Variants in EXOC2 observed in about 807,000 individuals in gnomAD.
EXOC2 encodes SEC5-like 1.
EXOC2 carries 70 observed loss-of-function variants against 131.8 expected under a neutral mutation model. The observed-to-expected ratio is 0.53, with a 90% confidence interval of 0.44 to 0.65. The LOEUF is 0.65. Among genes scored for constraint, EXOC2 ranks in the 30% least tolerant of loss-of-function variants. The probability of loss-of-function intolerance (pLI) is 0.00; values close to 1 mark genes in which losing one functional copy is unlikely to be tolerated. For synonymous variants in EXOC2, 411 were observed against 398.4 expected, an observed-to-expected ratio of 1.03 and a Z score of -0.38; for missense variants, 923 against 1,108.6, an observed-to-expected ratio of 0.83 and a Z score of 2.38.
intron 1 of EXOC2, among the ~76,000 whole-genome samples, chr6:640,728 T>A (rs1256936222): frequency 6.6e-6 from 1 of 152,068 alleles, no homozygotes; most frequent in Admixed American, 6.6e-5. Context: ...CTAAAACAGA[T>A]CATTCCTCAC....
intron 1 of EXOC2, among the ~76,000 whole-genome samples, chr6:684,202 AG>A (rs1444331597): frequency 2.0e-5 from 3 of 152,006 alleles, no homozygotes; most frequent in African/African-American, 7.2e-5. Flanking sequence ...ACAGGACCGC[AG>A]GAAGAGGGGG....
intron 1 of EXOC2, among the ~76,000 whole-genome samples, chr6:688,217 G>A (rs377486552): frequency 2.6e-4 from 40 of 152,212 alleles, no homozygotes; most frequent in African/African-American, 9.4e-4. Flanking sequence ...TGAAAATGCT[G>A]AAAAGTACAT....
chr6:672,820 C>T (rs1474734736), intron 1 of EXOC2, among the ~76,000 whole-genome samples: 1 of 152,050 alleles, frequency 6.6e-6, no homozygotes, highest in Non-Finnish European at 1.5e-5. Flanking sequence ...ACATCTCTGA[C>T]CAGAAACTGC....
intron 23 of EXOC2, among the ~76,000 whole-genome samples, chr6:501,858 G>T (rs1387459257): frequency 6.6e-6 from 1 of 151,270 alleles, no homozygotes; most frequent in Non-Finnish European, 1.5e-5. Flanking sequence ...AAGGATAATT[G>T]CAAGGTAAGA....
chr6:632,878 A>G, intron 3 of EXOC2, 63 bp downstream of exon 3: 1 of 1,503,676 alleles, frequency 6.7e-7, no homozygotes, highest in Non-Finnish European at 9.0e-7. Context: ...TACCAGCTTT[A>G]CAGCTTAAAA....
At chr6:560,765 T>C (rs769605583) in intron 17 of EXOC2, among the ~76,000 whole-genome samples, 43 of 151,874 alleles carry the variant, frequency 2.8e-4, no homozygotes, top group South Asian at 6.3e-4. Context: ...TGGAGTGCAA[T>C]GGCGCGGTCT....
intron 17 of EXOC2, among the ~76,000 whole-genome samples, chr6:557,393 G>A (rs1757468485): frequency 1.3e-5 from 2 of 152,106 alleles, no homozygotes; most frequent in African/African-American, 2.4e-5. Context: ...GCTGCGGTGG[G>A]CGGATCACGA....
chr6:651,141 C>T (rs1245506383), intron 1 of EXOC2, among the ~76,000 whole-genome samples: 1 of 151,778 alleles, frequency 6.6e-6, no homozygotes, highest in Non-Finnish European at 1.5e-5. Flanking sequence ...CGCCATTCTC[C>T]TGCCTCAGCC....
At chr6:599,569 A>G (rs1245266006) in intron 7 of EXOC2, among the ~76,000 whole-genome samples, 1 of 152,132 alleles carries the variant, frequency 6.6e-6, no homozygotes, top group East Asian at 1.9e-4. Flanking sequence ...AATAGGGTAA[A>G]ACACACACAT....
rs1764221541 is a variant in EXOC2, at chr6:501,827, T to A, written c.2381-2127A>T. 2.0e-5 allele frequency among the ~76,000 whole-genome samples: 3 copies of A among 150,526 alleles called. No individual in the cohort carries two copies. The South Asian group carries it at 6.2e-4, about 31-fold the overall frequency. ...GAGTAATTCAATATAATCCAGAAATTAATGGATTCTTCCTGAGAAAAAGGA... is the reference window on the plus strand; with the variant it reads ...GAGTAATTCAATATAATCCAGAAATAAATGGATTCTTCCTGAGAAAAAGGA... On this transcript the variant is annotated intron_variant, in intron 23 of 27. Coordinates refer to ENST00000230449, the MANE Select transcript of EXOC2 (RefSeq NM_018303.6).
At chr6:624,146 T>C (rs1215383730) in intron 4 of EXOC2, among the ~76,000 whole-genome samples, 1 of 133,808 alleles carries the variant, frequency 7.5e-6, no homozygotes, top group African/African-American at 2.6e-5. Flanking sequence ...AAATGTGAAA[T>C]AAATGAGTTA....
intron 1 of EXOC2, among the ~76,000 whole-genome samples, chr6:650,687 T>C (rs548237364): frequency 6.6e-6 from 1 of 152,338 alleles, no homozygotes; most frequent in South Asian, 2.1e-4. Context: ...ATACTCCCTG[T>C]TAATGAATTA....
chr6:542,797 T>C (rs1434725001), intron 22 of EXOC2, among the ~76,000 whole-genome samples: 1 of 152,118 alleles, frequency 6.6e-6, no homozygotes, highest in Non-Finnish European at 1.5e-5. Context: ...CAAGTAAAGA[T>C]GAGCAGGTGC....
chr6:627,058 C>T (rs1040378704), intron 4 of EXOC2, among the ~76,000 whole-genome samples: 1 of 152,028 alleles, frequency 6.6e-6, no homozygotes, highest in Non-Finnish European at 1.5e-5. Context: ...GGGATCCTGA[C>T]CTGAGTACAA....
intron 1 of EXOC2, among the ~76,000 whole-genome samples, chr6:672,334 C>A (rs758116090): frequency 5.9e-5 from 9 of 152,360 alleles, no homozygotes; most frequent in African/African-American, 2.2e-4. Context: ...ATGTTCCCCA[C>A]TTTTCCCATT....
At chr6:677,249 G>A (rs1300454654) in intron 1 of EXOC2, among the ~76,000 whole-genome samples, 18 of 151,974 alleles carry the variant, frequency 1.2e-4, no homozygotes, top group Non-Finnish European at 2.2e-4. Flanking sequence ...TCAACATTAC[G>A]GAAAGGACAG....
chr6:600,931 T>C (rs1248286741), intron 7 of EXOC2, among the ~76,000 whole-genome samples: 1 of 152,226 alleles, frequency 6.6e-6, no homozygotes, highest in East Asian at 1.9e-4. Flanking sequence ...GTAAATTTAA[T>C]TGTATTCACA....
chr6:616,939 G>A (rs1761046641), intron 6 of EXOC2, among the ~76,000 whole-genome samples: 1 of 151,114 alleles, frequency 6.6e-6, no homozygotes, highest in South Asian at 2.1e-4. Context: ...GGGAGGAGGG[G>A]GACTTTTAAA....
chr6:563,728 G>A (rs1300239819), intron 16 of EXOC2, among the ~76,000 whole-genome samples: 2 of 152,126 alleles, frequency 1.3e-5, no homozygotes, highest in African/African-American at 4.8e-5. Context: ...ATTTTCAAAA[G>A]TGAGATCAGA....
Sources: allele counts gnomAD v4.1 joint callset (sites outside exome capture counted in the v4.1 genomes callset), GRCh38; gene constraint gnomAD v4.1.1; transcripts MANE v1.5; gene names NCBI Gene and HGNC (gene_info 2026-07-23, HGNC 2026-07-21).